Variants in INTS10 observed in about 807,000 individuals in gnomAD.
INTS10 encodes the protein chromosome 8 open reading frame 35.
In INTS10, 44 loss-of-function variants were observed where a neutral mutation model predicts 94.4. The observed-to-expected ratio is 0.47, with a 90% confidence interval of 0.37 to 0.60. INTS10 has a LOEUF of 0.60. INTS10 is among the 20% of genes least tolerant of loss of function. INTS10 has a pLI of 0.00. For synonymous variants in INTS10, 341 were observed against 320.7 expected (o/e 1.06, Z -0.68); for missense variants, 797 against 868.7 (o/e 0.92, Z 1.04).
chr8:19,823,807 T>C (rs2066579235), intron 6 of INTS10, 66 bp from the exon 7 acceptor site: 1 of 1,357,102 alleles, frequency 7.4e-7, no homozygotes, highest in Non-Finnish European at 1.0e-6. Flanking sequence ...AGACTTTCTT[T>C]ATCAGGTACC....
In INTS10 at chr8:19,817,477, T is replaced by G. The variant is rs1044374438; in HGVS notation, c.-61T>G. The G allele has an allele frequency of 8.3e-6, 13 of 1,560,030 alleles. No homozygotes were observed. Among genetic ancestry groups the G allele is most frequent in the African/African-American group, 6.8e-5 (5 of 73,542 alleles). ...CGGCGGCGGTGGCTGCCGTGGCGGC[T>G]GAGAGTCCAGAGCCGGACGTTCCGG... is the stretch of plus-strand genomic sequence containing the variant. On this transcript the variant is annotated 5_prime_UTR_variant, in exon 1 of 17. The change abolishes the stop of an existing upstream ORF in the 5' untranslated region. Transcript: ENST00000397977.
intron 4 of INTS10, chr8:19,822,170 G>A: frequency 4.0e-6 from 1 of 249,684 alleles, no homozygotes; most frequent in Non-Finnish European, 7.7e-6. Context: ...TAGACATTTT[G>A]TTAATTCTTG....
Position 19,824,917 on chromosome 8 carries a change from C to A in INTS10, c.951C>A (p.Val317=). ...AAGTGGTGTATTCCACCATGCTGGTCTTCTTTAAGAATGCATTCCAGTATG... is the reference window on the plus strand; with the variant it reads ...AAGTGGTGTATTCCACCATGCTGGTATTCTTTAAGAATGCATTCCAGTATG... The part of the protein sequence containing the change: ...KNQVVYSTML[V]FFKNAFQYVN... The change falls in exon 8 of 17, where the codon GTC becomes GTA. Residue 317 remains valine, a synonymous_variant. Coordinates refer to ENST00000397977, the MANE Select transcript of INTS10 (RefSeq NM_018142.4). The A allele has an allele frequency of 6.2e-7, 1 of 1,613,766 alleles. No homozygotes were observed. Among genetic ancestry groups the A allele is most frequent in the Non-Finnish European group, 8.5e-7 (1 of 1,179,768 alleles).
intron 12 of INTS10, 133 bp downstream of exon 12, chr8:19,833,454 TCTG>T: frequency 3.4e-6 from 2 of 579,994 alleles, no homozygotes; most frequent in Non-Finnish European, 5.2e-6. Context: ...TATTACTTAA[TCTG>T]CTAGTGAACA....
chr8:19,850,993 C>T (rs1444342387), intron 16 of INTS10, among the ~76,000 whole-genome samples: 1 of 152,200 alleles, frequency 6.6e-6, no homozygotes, highest in Non-Finnish European at 1.5e-5. Flanking sequence ...GATTCTGCCT[C>T]TCTCTCCTGA....
chr8:19,817,776 C>T, intron 1 of INTS10, 110 bp downstream of exon 1: 2 of 1,393,406 alleles, frequency 1.4e-6, no homozygotes, highest in Non-Finnish European at 1.9e-6. Flanking sequence ...GCCTCCTGCC[C>T]GGCCCCCTGC....
Position 19,819,618 on chromosome 8 carries a change from C to G in INTS10, c.243C>G (p.Ser81Arg). ...AGCCGGTGGTGTGGAGAGAAATCAGCATTATTACATCAGCATTAAGGAACG... is the reference window on the plus strand; with the variant it reads ...AGCCGGTGGTGTGGAGAGAAATCAGGATTATTACATCAGCATTAAGGAACG... Reference protein sequence around the residue: ...PDQPVVWREISIITSALRNDS... With the variant: ...PDQPVVWREIRIITSALRNDS... Residue 81 changes from serine to arginine, a missense_variant, in exon 3 of 17, where the codon AGC becomes AGG. Physicochemically the swap from Ser to Arg is moderately radical, Grantham distance 110 (BLOSUM62 -1). Around this residue, in one of 3 missense-constraint regions of INTS10, gnomAD observed 734 missense variants for 787.8 expected, o/e 0.93. Coordinates refer to ENST00000397977, the MANE Select transcript of INTS10 (RefSeq NM_018142.4). 6.2e-7 allele frequency: 1 copy of G among 1,613,440 alleles called. No individual in the cohort carries two copies. The highest frequency in any genetic ancestry group is 8.5e-7 in the Non-Finnish European group (1 of 1,179,666).
chr8:19,835,992 T>C (rs1007039998), intron 12 of INTS10, among the ~76,000 whole-genome samples: 1 of 151,900 alleles, frequency 6.6e-6, no homozygotes, highest in African/African-American at 2.4e-5. Context: ...CTGGGGCCTG[T>C]CAGGGGGTCG....
At chr8:19,827,128 AGT>A (rs2066860991) in intron 9 of INTS10, among the ~76,000 whole-genome samples, 1 of 152,172 alleles carries the variant, frequency 6.6e-6, no homozygotes, top group Non-Finnish European at 1.5e-5. Context: ...GAGAGGGAAA[AGT>A]GTGCACAAAG....
In INTS10 at chr8:19,851,192, T is replaced by G. The variant is rs551080362; in HGVS notation, c.1977-457T>G. Reference sequence around the variant, plus strand: ...GGAGCACCAGCTGCGGGGGCCATGGTGGGAGCTCACTTGGGTGATTGGCTC... The same window carrying G: ...GGAGCACCAGCTGCGGGGGCCATGGGGGGAGCTCACTTGGGTGATTGGCTC... On this transcript the variant is annotated intron_variant, in intron 16 of 16. Transcript: ENST00000397977. The surrounding 1 kb of genome is among the most constrained non-coding windows in gnomAD (Gnocchi z 5.0). 1.6e-3 allele frequency among the ~76,000 whole-genome samples: 237 copies of G among 152,290 alleles called. 1 individual carries two copies. The highest frequency in any genetic ancestry group is 5.6e-3 in the African/African-American group (231 of 41,558).
At chr8:19,827,040 A>G (rs1400274308) in intron 9 of INTS10, among the ~76,000 whole-genome samples, 1 of 152,208 alleles carries the variant, frequency 6.6e-6, no homozygotes, top group Non-Finnish European at 1.5e-5. Context: ...AAAAGATTTC[A>G]TGAAGGAGGT....
At chr8:19,829,704 T>G (rs2067082562) in intron 9 of INTS10, among the ~76,000 whole-genome samples, 1 of 152,224 alleles carries the variant, frequency 6.6e-6, no homozygotes, top group African/African-American at 2.4e-5. Context: ...AGTCTTGCTC[T>G]GTCGCCCAGG....
At position 19,819,603 on chromosome 8, in the gene INTS10, G is replaced by A. The variant is rs1392577290; in HGVS notation, c.228G>A (p.Val76=). Residue 76 remains valine, a synonymous_variant, in exon 3 of 17, where the codon GTG becomes GTA. Transcript: ENST00000397977. ...MFVNFPDQPV[V]WREISIITSA... is the part of the protein sequence containing the mutation. Reference sequence around the variant, plus strand: ...TGAATTTCCCAGACCAGCCGGTGGTGTGGAGAGAAATCAGCATTATTACAT... The same window carrying A: ...TGAATTTCCCAGACCAGCCGGTGGTATGGAGAGAAATCAGCATTATTACAT... The A allele has an allele frequency of 6.2e-7, 1 of 1,613,168 alleles. No individual in the cohort carries two copies. Among genetic ancestry groups the A allele is most frequent in the South Asian group, 1.1e-5 (1 of 90,900 alleles).
In INTS10 at chr8:19,833,567, G is replaced by A. The variant is rs149806685; in HGVS notation, c.1530+246G>A. ...TTTCTTGTTCATTGTTCCATTTGTT[G>A]GAGGATTTTTCTTTTTATTATTATT... On this transcript the variant is annotated intron_variant, in intron 12 of 16. Transcript: ENST00000397977. 1.6e-3 allele frequency among the ~76,000 whole-genome samples: 237 copies of A among 152,104 alleles called. 4 individuals carry two copies. Among genetic ancestry groups the A allele is most frequent in the Non-Finnish European group, 2.5e-3 (168 of 67,982 alleles).
Position 19,843,629 on chromosome 8 carries a change from G to A in INTS10, c.1720-447G>A, listed in dbSNP as rs1197704370. Among the ~76,000 whole-genome samples the A allele has an allele frequency of 1.3e-5, 2 of 152,142 alleles. No individual in the cohort carries two copies. Among genetic ancestry groups the A allele is most frequent in the South Asian group, 2.1e-4 (1 of 4,830 alleles). ...AGTTCACACTTCTGCTTATTTCCTT[G>A]TGGCTCACCACCTTTCCTTCTCTGC... On this transcript the variant is annotated intron_variant, in intron 14 of 16. Transcript: ENST00000397977. The surrounding 1 kb of genome is among the most constrained non-coding windows in gnomAD (Gnocchi z 4.7).
In INTS10 at chr8:19,823,895, A is replaced by C. The variant is rs777828556; in HGVS notation, c.687A>C (p.Leu229Phe). Reference protein sequence around the residue: ...QHQGAQDTSDLMSPSKRSSQK... With the variant: ...QHQGAQDTSDFMSPSKRSSQK... Reference sequence around the variant, plus strand: ...CAGGCGCCCAGGATACATCTGATTTAATGTCACCTAGCAAACGTAGCTCTC... The same window carrying C: ...CAGGCGCCCAGGATACATCTGATTTCATGTCACCTAGCAAACGTAGCTCTC... The change falls in exon 7 of 17, where the codon TTA becomes TTC. Residue 229 changes from leucine (L) to phenylalanine (F), a missense_variant. This residue lies in a region of INTS10 where 734 missense variants were observed against 787.8 expected (regional missense o/e 0.93). Transcript: ENST00000397977. 6.2e-7 allele frequency: 1 copy of C among 1,608,506 alleles called. No homozygotes were observed. Among genetic ancestry groups the C allele is most frequent in the South Asian group, 1.1e-5 (1 of 89,768 alleles).
At chr8:19,848,999 C>T (rs1032948295) in intron 16 of INTS10, 2 of 297,982 alleles carry the variant, frequency 6.7e-6, no homozygotes, top group South Asian at 2.6e-5. Context: ...TAGCTTCTCC[C>T]CAGTCTCCTT....
intron 5 of INTS10, 133 bp downstream of exon 5, chr8:19,822,653 T>A (rs77646708): frequency 6.1e-5 from 34 of 557,712 alleles, no homozygotes; most frequent in South Asian, 1.7e-4. Context: ...CTTTTTTTTT[T>A]AATTTAGAAG....
At chr8:19,848,591 G>A (rs978447299) in intron 16 of INTS10, among the ~76,000 whole-genome samples, 1 of 152,094 alleles carries the variant, frequency 6.6e-6, no homozygotes, top group African/African-American at 2.4e-5. Flanking sequence ...GCACAGCCAT[G>A]GGTCCCGGAC....
Sources: gnomAD v4.1 joint callset for allele counts (sites outside exome capture counted in the v4.1 genomes callset) on GRCh38, gnomAD v4.1.1 for gene constraint, gnomAD v4.1.1 regional missense constraint, Gnocchi (gnomAD v3.1) non-coding constraint, MANE v1.5 for transcripts, NCBI Gene and HGNC (gene_info 2026-07-23, HGNC 2026-07-21) for gene names.